Variants in FGF12 observed in about 807,000 individuals in gnomAD.
FGF12 encodes fibroblast growth factor 12, also known as fibroblast growth factor 12B.
In FGF12, 14 loss-of-function variants were observed where a neutral mutation model predicts 23.6. That is an observed-to-expected ratio of 0.59 (90% CI 0.39 to 0.93). The LOEUF (loss-of-function observed/expected upper bound fraction) is 0.93, where lower values mean the gene tolerates loss of function less well. FGF12 is among the 40% of genes least tolerant of loss of function. FGF12 has a pLI of 0.00. For missense variants in FGF12, 175 were observed against 217.8 expected, an observed-to-expected ratio of 0.80 and a Z score of 1.24; for synonymous variants, 62 against 77.3, an observed-to-expected ratio of 0.80 and a Z score of 1.04.
intron 2 of FGF12, among the ~76,000 whole-genome samples, chr3:192,541,628 A>G (rs1457529288): frequency 6.6e-6 from 1 of 151,992 alleles, no homozygotes; most frequent in African/African-American, 2.4e-5. Flanking sequence ...TGAGTTTTGC[A>G]CCTTCAGATG....
At chr3:192,169,161 C>A (rs113115999) in intron 5 of FGF12, among the ~76,000 whole-genome samples, 2,359 of 151,990 alleles carry the variant, frequency 0.016, 28 homozygotes, top group South Asian at 0.037. Context: ...GCCAACATGG[C>A]GAAATCCTGT....
intron 4 of FGF12, among the ~76,000 whole-genome samples, chr3:192,170,881 C>T (rs142685386): frequency 2.0e-4 from 30 of 152,276 alleles, no homozygotes; most frequent in African/African-American, 6.5e-4. Flanking sequence ...ATAACTTGCT[C>T]AGGCTTGAAG....
chr3:192,190,459 C>G (rs970773331), intron 4 of FGF12, among the ~76,000 whole-genome samples: 7 of 148,956 alleles, frequency 4.7e-5, no homozygotes, highest in African/African-American at 1.7e-4. Flanking sequence ...AATCTGTAAG[C>G]CCAATACTCT....
At chr3:192,386,856 G>A (rs959874456) in intron 2 of FGF12, among the ~76,000 whole-genome samples, 2 of 152,132 alleles carry the variant, frequency 1.3e-5, no homozygotes, top group African/African-American at 4.8e-5. Flanking sequence ...AGGCAAAAAA[G>A]AAACTAAAAT....
chr3:192,594,047 C>T (rs1713736405), intron 2 of FGF12, among the ~76,000 whole-genome samples: 1 of 151,906 alleles, frequency 6.6e-6, no homozygotes, highest in Non-Finnish European at 1.5e-5. Context: ...AAGAGCAAAT[C>T]TGCTAAAATT....
intron 2 of FGF12, among the ~76,000 whole-genome samples, chr3:192,590,920 C>G (rs879845551): frequency 2.0e-5 from 3 of 151,782 alleles, no homozygotes; most frequent in East Asian, 3.9e-4. Flanking sequence ...TCTGCTCCCC[C>G]TTGCTCACAC....
At chr3:192,603,713 C>T (rs529015157) in intron 2 of FGF12, among the ~76,000 whole-genome samples, 2 of 152,016 alleles carry the variant, frequency 1.3e-5, no homozygotes, top group African/African-American at 2.4e-5. Context: ...AGATCACATG[C>T]CTCAAAGGGC....
chr3:192,147,514 T>C lies in FGF12; in HGVS notation c.428-3387A>G, dbSNP rs1713791576. Among the ~76,000 whole-genome samples the C allele has an allele frequency of 2.0e-5, 3 of 152,220 alleles. No homozygotes were observed. In the South Asian group the frequency reaches 6.2e-4, roughly 31 times the overall value. ...TAAGTGTTCTCTAAAGTGCATTATA[T>C]GTGCAAAACGTAAACGAAAATCACC... On this transcript the variant is annotated intron_variant, in intron 5 of 5. Transcript: ENST00000445105.
At chr3:192,158,786 TAGAA>T (rs1393585145) in intron 5 of FGF12, among the ~76,000 whole-genome samples, 1 of 149,402 alleles carries the variant, frequency 6.7e-6, no homozygotes, top group Non-Finnish European at 1.5e-5. Flanking sequence ...GCATTTCACT[TAGAA>T]AGGAGAATTA....
In FGF12 at chr3:192,142,409, GTAGAGA is replaced by G. The variant is rs934841506; in HGVS notation, c.*1594_*1599del. The G allele has an allele frequency of 1.3e-5, 2 of 152,530 alleles. No homozygotes were observed. The highest frequency in any genetic ancestry group is 4.8e-5 in the African/African-American group (2 of 41,444). The allele number at this position is 152,530 out of a possible 1,614,324, so 9.4% of individuals were successfully genotyped here. Reference sequence around the variant, plus strand: ...TATTTGGAACAATACATGCTGGACAGTAGAGATATAGGAGAAGTTACATGCTATGTC... The same window carrying G: ...TATTTGGAACAATACATGCTGGACAGTATAGGAGAAGTTACATGCTATGTC... On this transcript the variant is annotated 3_prime_UTR_variant, in exon 6 of 6. Coordinates refer to ENST00000445105, the MANE Select transcript of FGF12 (RefSeq NM_004113.6).
chr3:192,241,644 AAT>A (rs1026127772), intron 4 of FGF12, among the ~76,000 whole-genome samples: 2 of 152,138 alleles, frequency 1.3e-5, no homozygotes, highest in African/African-American at 4.8e-5. Flanking sequence ...GTAAAAAGGA[AAT>A]ACAAAAAGCT....
chr3:192,467,936 A>G (rs1723058513), intron 2 of FGF12, among the ~76,000 whole-genome samples: 1 of 152,094 alleles, frequency 6.6e-6, no homozygotes, highest in African/African-American at 2.4e-5. Context: ...TACATCTCAA[A>G]TGTCTTTGCT....
chr3:192,276,302 A>G (rs1713781198), intron 4 of FGF12, among the ~76,000 whole-genome samples: 2 of 152,204 alleles, frequency 1.3e-5, no homozygotes, highest in Non-Finnish European at 2.9e-5. Flanking sequence ...TCCCAGGCCT[A>G]CACAACAACC....
At chr3:192,511,666 A>T (rs1724482046) in intron 2 of FGF12, among the ~76,000 whole-genome samples, 1 of 152,180 alleles carries the variant, frequency 6.6e-6, no homozygotes, top group Non-Finnish European at 1.5e-5. Flanking sequence ...TTAAACTTGA[A>T]ATCTTTCATT....
rs908135876 is a variant in FGF12 at position 192,139,889 on chromosome 3, A to G, written c.*4120T>C. On this transcript the variant is annotated 3_prime_UTR_variant, in exon 6 of 6. Transcript: ENST00000445105. The stretch of plus-strand genomic sequence containing the variant: ...CCTATTCTTTCACCACAAATTCTCA[A>G]TTTGATATGACTTAACATGAAATCT... 6.6e-6 allele frequency: 1 copy of G among 152,004 alleles called. No homozygotes were observed. The highest frequency in any genetic ancestry group is 2.4e-5 in the African/African-American group (1 of 41,436). The allele number at this position is 152,004 out of a possible 1,614,324, so 9.4% of individuals were successfully genotyped here.
At chr3:192,508,367 C>T (rs1358211385) in intron 2 of FGF12, among the ~76,000 whole-genome samples, 1 of 152,146 alleles carries the variant, frequency 6.6e-6, no homozygotes, top group Non-Finnish European at 1.5e-5. Context: ...GTGAAAATTA[C>T]ATGGCATAAG....
intron 4 of FGF12, among the ~76,000 whole-genome samples, chr3:192,223,909 A>T (rs1718598531): frequency 6.6e-6 from 1 of 152,170 alleles, no homozygotes; most frequent in East Asian, 1.9e-4. Flanking sequence ...AATAAATTAC[A>T]CCAAGAAGGC....
chr3:192,727,286 T>C lies in FGF12; in HGVS notation c.-93A>G, dbSNP rs1719251401. The C allele has an allele frequency of 1.9e-6, 3 of 1,552,528 alleles. No individual in the cohort carries two copies. The highest frequency in any genetic ancestry group is 2.6e-6 in the Non-Finnish European group (3 of 1,147,448). On this transcript the variant is annotated 5_prime_UTR_variant, in exon 2 of 6. Transcript: ENST00000445105. Reference sequence around the variant, plus strand: ...TCCCAAATCTGGGAAGCCAATCTGATGATTTCGCCCGTACTTCCTTCCTTC... The same window carrying C: ...TCCCAAATCTGGGAAGCCAATCTGACGATTTCGCCCGTACTTCCTTCCTTC...
intron 4 of FGF12, among the ~76,000 whole-genome samples, chr3:192,190,468 C>CTTTTTTTTTT (rs34108891): frequency 2.9e-4 from 26 of 89,130 alleles, no homozygotes; most frequent in African/African-American, 4.4e-4. Flanking sequence ...GCCCAATACT[C>CTTTTTTTTTT]TTTTTTTTTT....
Sources: allele counts gnomAD v4.1 joint callset (sites outside exome capture counted in the v4.1 genomes callset), GRCh38; gene constraint gnomAD v4.1.1; transcripts MANE v1.5; gene names NCBI Gene and HGNC (gene_info 2026-07-23, HGNC 2026-07-21).